ARHGEF1: variants seen among roughly 807,000 people sequenced by gnomAD.
ARHGEF1 encodes Rho guanine nucleotide exchange factor 1.
Under a neutral mutation model 119.7 loss-of-function variants are expected in ARHGEF1, and 40 were observed. The observed-to-expected ratio is 0.33, with a 90% CI of 0.26 to 0.44. ARHGEF1 has a LOEUF of 0.44. Among genes scored for constraint, ARHGEF1 ranks in the 20% least tolerant of loss-of-function variants. ARHGEF1 has a pLI of 1.00. For synonymous variants in ARHGEF1, 494 were observed against 521.0 expected, an observed-to-expected ratio of 0.95 and a Z score of 0.71; for missense variants, 976 against 1,268.3, an observed-to-expected ratio of 0.77 and a Z score of 3.50.
intron 14 of ARHGEF1, among the ~76,000 whole-genome samples, chr19:41,899,061 C>T (rs1434245182): frequency 2.0e-5 from 3 of 152,164 alleles, no homozygotes; most frequent in East Asian, 1.9e-4. Flanking sequence ...GGCACAATCA[C>T]GGCTCACTGC....
In ARHGEF1 at chr19:41,905,869, T is replaced by C. The variant is rs1555850075; in HGVS notation, c.2404+42T>C. ...GCTGGGTGAGGGGCCAGGTTGGGGC[T>C]GCCGGGTGAAGAGAGGCATCCACAG... On this transcript the variant is annotated intron_variant, in intron 25 of 28. Transcript: ENST00000354532. This position sits in a 1 kb window ranked among gnomAD's most constrained non-coding sequence, Gnocchi z 6.4. 4 of 1,613,846 alleles carry C rather than the reference T, an allele frequency of 2.5e-6. No individual in the cohort carries two copies. The highest frequency in any genetic ancestry group is 3.4e-6 in the Non-Finnish European group (4 of 1,179,774).
intron 14 of ARHGEF1, among the ~76,000 whole-genome samples, chr19:41,901,131 G>GT (rs529455623): frequency 8.1e-4 from 118 of 146,064 alleles, no homozygotes; most frequent in South Asian, 2.0e-3. Flanking sequence ...CACCCGGAGA[G>GT]TTTTTTTTTT....
At position 41,904,424 on chromosome 19, in the gene ARHGEF1, T is replaced by C; in HGVS notation, c.2161+41T>C. On this transcript the variant is annotated intron_variant, in intron 22 of 28. Transcript: ENST00000354532. This position sits in a 1 kb window ranked among gnomAD's most constrained non-coding sequence, Gnocchi z 8.4. ...GCATGGCCCAGGGCAGAGGGTGTCT[T>C]TTTTGGGCAGAGCTGCCTGTGGAGT... The C allele has an allele frequency of 6.6e-7, 1 of 1,506,894 alleles. No individual in the cohort carries two copies. The highest frequency in any genetic ancestry group is 1.2e-5 in the South Asian group (1 of 80,566). 93.3% of individuals were successfully genotyped at this position (1,506,894 alleles called of 1,614,324 possible). A position where few individuals can be genotyped will look rare whatever the true frequency, so the allele number is the denominator to read the frequency against.
At chr19:41,897,290 T>C in intron 13 of ARHGEF1, 1 of 1,280,064 alleles carries the variant, frequency 7.8e-7, no homozygotes, top group Non-Finnish European at 1.0e-6. Flanking sequence ...GGCCCACCTC[T>C]GACCCTGTGC....
upstream of ARHGEF1, among the ~76,000 whole-genome samples, chr19:41,918,394 ACATAC>A (rs1334143250): frequency 2.7e-5 from 4 of 147,784 alleles, no homozygotes; most frequent in African/African-American, 1.0e-4. Context: ...CACCACATAC[ACATAC>A]CATATCACAC....
chr19:41,915,472 TTCTGTGTCCCCACGTC>T (rs1158077729), intron 18 of ARHGEF1, among the ~76,000 whole-genome samples: 5 of 151,820 alleles, frequency 3.3e-5, no homozygotes, highest in South Asian at 4.2e-4. Flanking sequence ...TCGTCTCCAC[TTCTGTGTCCCCACGTC>T]TCTGTGTCCC....
At chr19:41,887,546 G>A (rs1383785569) in intron 1 of ARHGEF1, among the ~76,000 whole-genome samples, 1 of 152,080 alleles carries the variant, frequency 6.6e-6, no homozygotes, top group Non-Finnish European at 1.5e-5. Flanking sequence ...GGGGGTTGGG[G>A]GTTTGCCATT....
intron 1 of ARHGEF1, among the ~76,000 whole-genome samples, chr19:41,926,337 A>T (rs1359272539): frequency 1.3e-5 from 2 of 152,044 alleles, no homozygotes; most frequent in Non-Finnish European, 2.9e-5. Flanking sequence ...ACAGGTATGG[A>T]GGACAGGTGT....
In ARHGEF1 at chr19:41,884,613, C is replaced by T. The variant is rs1408066391; in HGVS notation, c.-20+1324C>T. The T allele has an allele frequency of 3.7e-6, 5 of 1,358,196 alleles. No homozygotes were observed. In the Admixed American group the frequency reaches 8.2e-5, roughly 22 times the overall value. 84.1% of individuals were successfully genotyped at this position (1,358,196 alleles called of 1,614,324 possible). A position where few individuals can be genotyped will look rare whatever the true frequency, so the allele number is the denominator to read the frequency against. On this transcript the variant is annotated intron_variant, in intron 1 of 28. Coordinates refer to ENST00000354532, the MANE Select transcript of ARHGEF1 (RefSeq NM_004706.4). Reference sequence around the variant, plus strand: ...TTTAGGGCCCGCGTAAGACCCGCCACGTCCATGTAAGATTTGGGTCTCGTG... The same window carrying T: ...TTTAGGGCCCGCGTAAGACCCGCCATGTCCATGTAAGATTTGGGTCTCGTG...
Position 41,905,064 on chromosome 19 carries a change from G to A in ARHGEF1, c.2249+28G>A. ...GAGGGGGGGTCTGAGTTCTGAGTGT[G>A]GGTGGAGGACGCCCAGGTTTCTGGG... On this transcript the variant is annotated intron_variant, in intron 23 of 28. Transcript: ENST00000354532. The surrounding 1 kb of genome is among the most constrained non-coding windows in gnomAD (Gnocchi z 6.4). 1 of 1,613,282 alleles carries A rather than the reference G, an allele frequency of 6.2e-7. No individual in the cohort carries two copies. Among genetic ancestry groups the A allele is most frequent in the Non-Finnish European group, 8.5e-7 (1 of 1,179,228 alleles).
chr19:41,888,654 C>T lies in ARHGEF1; in HGVS notation c.112-98C>T, dbSNP rs2074330929. The T allele has an allele frequency of 8.5e-7, 1 of 1,182,080 alleles. No individual in the cohort carries two copies. Among genetic ancestry groups the T allele is most frequent in the Non-Finnish European group, 1.2e-6 (1 of 812,824 alleles). 73.2% of individuals were successfully genotyped at this position (1,182,080 alleles called of 1,614,324 possible). A position where few individuals can be genotyped will look rare whatever the true frequency, so the allele number is the denominator to read the frequency against. Reference sequence around the variant, plus strand: ...ACTCCCCACTTCCCAGGAGCTAACCCTGGCTTGGATCCCTTGTGAAGTGCC... The same window carrying T: ...ACTCCCCACTTCCCAGGAGCTAACCTTGGCTTGGATCCCTTGTGAAGTGCC... On this transcript the variant is annotated intron_variant, in intron 3 of 28. Coordinates refer to ENST00000354532, the MANE Select transcript of ARHGEF1 (RefSeq NM_004706.4). The surrounding 1 kb of genome is among the most constrained non-coding windows in gnomAD (Gnocchi z 5.1).
upstream of ARHGEF1, among the ~76,000 whole-genome samples, chr19:41,920,498 A>T (rs1218890873): frequency 4.0e-5 from 6 of 149,022 alleles, no homozygotes; most frequent in African/African-American, 1.5e-4. Flanking sequence ...CACAGACATG[A>T]CGCACTCAGA....
chr19:41,912,975 A>C (rs2074762766), intron 18 of ARHGEF1: 2 of 941,238 alleles, frequency 2.1e-6, no homozygotes, highest in Non-Finnish European at 2.8e-6. Context: ...GGTGGGCAGG[A>C]GAGACAGACA....
intron 18 of ARHGEF1, among the ~76,000 whole-genome samples, chr19:41,912,636 C>G (rs1246495222): frequency 2.6e-5 from 4 of 152,264 alleles, no homozygotes; most frequent in Non-Finnish European, 4.4e-5. Context: ...AGAAGACCCA[C>G]CTATCCCCCC....
At chr19:41,912,923 G>A (rs1189882544) in intron 18 of ARHGEF1, 3 of 1,231,134 alleles carry the variant, frequency 2.4e-6, no homozygotes, top group South Asian at 4.1e-5. Flanking sequence ...AGTCCATGGC[G>A]GAGCCGGCCC....
chr19:41,913,120 C>T (rs1399420826), intron 18 of ARHGEF1, among the ~76,000 whole-genome samples: 1 of 152,058 alleles, frequency 6.6e-6, no homozygotes, highest in Non-Finnish European at 1.5e-5. Context: ...CGTTCCCGGC[C>T]CCGAGACCCC....
In ARHGEF1 at chr19:41,903,628, C is replaced by G; in HGVS notation, c.1840-79C>G. On this transcript the variant is annotated intron_variant, in intron 19 of 28. Transcript: ENST00000354532. The surrounding 1 kb of genome is among the most constrained non-coding windows in gnomAD (Gnocchi z 4.2). ...CCCGCATCAGAAGTTGGTCTTGGCT[C>G]TCATCTTACCAATGTGGGTCACTGC... The G allele has an allele frequency of 3.3e-6, 5 of 1,493,886 alleles. No homozygotes were observed. Among genetic ancestry groups the G allele is most frequent in the Non-Finnish European group, 4.6e-6 (5 of 1,084,458 alleles). 92.5% of individuals were successfully genotyped at this position (1,493,886 alleles called of 1,614,324 possible).
rs1457126384 is a variant in ARHGEF1 at position 41,928,952 on chromosome 19, T to TA, written c.263dup (p.Arg89LysfsTer81). On this transcript the variant is annotated frameshift_variant, in exon 2 of 3. Coordinates refer to the ARHGEF1 transcript ENST00000594417. LOFTEE classifies it high-confidence loss of function. ...CGGACCCGCACACACGCAGCCTGGA[T>TA]AGGAGATACACGGACAGAGGGACAT... The TA allele has an allele frequency of 9.9e-5, 45 of 455,318 alleles. No homozygotes were observed. Among genetic ancestry groups the TA allele is most frequent in the African/African-American group, 9.0e-4 (45 of 49,788 alleles). The allele number at this position is 455,318 out of a possible 1,614,324, so 28.2% of individuals were successfully genotyped here.
chr19:41,910,523 G>A (rs564872932), downstream of ARHGEF1, among the ~76,000 whole-genome samples: 626 of 152,188 alleles, frequency 4.1e-3, 4 homozygotes, highest in African/African-American at 0.015. This position sits in a 1 kb window ranked among gnomAD's most constrained non-coding sequence, Gnocchi z 4.4. Flanking sequence ...AGCTCTTACT[G>A]TCTCTGTTCC....
Sources: gnomAD v4.1 joint callset for allele counts (sites outside exome capture counted in the v4.1 genomes callset) on GRCh38, gnomAD v4.1.1 for gene constraint, Gnocchi (gnomAD v3.1) non-coding constraint, MANE v1.5 for transcripts, NCBI Gene and HGNC (gene_info 2026-07-23, HGNC 2026-07-21) for gene names.